The following NPAS3 variants were observed in gnomAD, a reference collection of about 807,000 sequenced individuals.
The protein encoded by NPAS3 is neuronal PAS domain protein 3.
In NPAS3, 14 loss-of-function variants were observed where a neutral mutation model predicts 73.1. The observed-to-expected ratio is 0.19, with a 90% confidence interval of 0.13 to 0.30. NPAS3 has a LOEUF of 0.30. Ranked by LOEUF, NPAS3 falls within the 10% of genes least tolerant of loss-of-function variation. NPAS3 has a pLI of 1.00. For missense variants in NPAS3, 1,096 were observed against 1,250.0 expected, an observed-to-expected ratio of 0.88 and a Z score of 1.86; for synonymous variants, 620 against 541.5, an observed-to-expected ratio of 1.14 and a Z score of -2.01.
chr14:33,349,472 A>G (rs1227713427), intron 3 of NPAS3, among the ~76,000 whole-genome samples: 2 of 152,188 alleles, frequency 1.3e-5, no homozygotes, highest in Non-Finnish European at 1.5e-5. Flanking sequence ...TCAAACAACC[A>G]TGATTGTTAT....
At chr14:33,730,587 T>G (rs896605773) in intron 6 of NPAS3, among the ~76,000 whole-genome samples, 2 of 152,296 alleles carry the variant, frequency 1.3e-5, no homozygotes, top group East Asian at 3.9e-4. Flanking sequence ...GAAAGTGACA[T>G]GTGGCTTTTG....
chr14:33,797,699 A>G (rs1304289595), intron 11 of NPAS3, 118 bp downstream of exon 11: 26 of 973,284 alleles, frequency 2.7e-5, no homozygotes, highest in Non-Finnish European at 3.9e-5. Context: ...TCAGAGAGAC[A>G]TATGTCACAT....
In NPAS3 at chr14:33,246,537, CAAAAAA is replaced by C. The variant is rs56270689; in HGVS notation, c.385+31126_385+31131del. Among the ~76,000 whole-genome samples, 323 of 103,208 alleles carry C rather than the reference CAAAAAA, an allele frequency of 3.1e-3. 2 individuals are homozygous for C. Among genetic ancestry groups the C allele is most frequent in the African/African-American group, 0.011 (308 of 27,490 alleles). The allele number at this position is 103,208 out of a possible 152,430, so 67.7% of individuals were successfully genotyped here. A position where few individuals can be genotyped will look rare whatever the true frequency, so the allele number is the denominator to read the frequency against. On this transcript the variant is annotated intron_variant, in intron 3 of 11. Coordinates refer to ENST00000356141, the Ensembl canonical transcript of NPAS3. ...CCTGGGCAACAGCGAGACTTCATCT[CAAAAAA>C]AAAAAAAAAAAAAAGAAGAACTAAG...
intron 4 of NPAS3, among the ~76,000 whole-genome samples, chr14:33,443,761 G>C (rs2049357101): frequency 6.6e-6 from 1 of 152,224 alleles, no homozygotes; most frequent in Admixed American, 6.5e-5. Context: ...CCATTTACAG[G>C]AAGTGGCAGG....
intron 7 of NPAS3, among the ~76,000 whole-genome samples, chr14:33,748,581 T>C (rs942251518): frequency 4.6e-5 from 7 of 152,178 alleles, no homozygotes. Context: ...ACAGAGTGCC[T>C]TAATAGGGGC....
chr14:32,992,525 C>G (rs1465567302), intron 1 of NPAS3, among the ~76,000 whole-genome samples: 2 of 152,096 alleles, frequency 1.3e-5, no homozygotes, highest in Non-Finnish European at 2.9e-5. Flanking sequence ...GCCTAGAAAC[C>G]ACACTTGTCC....
intron 3 of NPAS3, among the ~76,000 whole-genome samples, chr14:33,280,651 G>A (rs1333935176): frequency 2.0e-5 from 3 of 152,192 alleles, no homozygotes; most frequent in Non-Finnish European, 4.4e-5. Context: ...GAAGTACAAA[G>A]GGTGTTCCTA....
intron 5 of NPAS3, among the ~76,000 whole-genome samples, chr14:33,589,982 A>G (rs532513797): frequency 2.0e-5 from 3 of 152,206 alleles, no homozygotes; most frequent in Non-Finnish European, 4.4e-5. Context: ...TGAGAAGGCC[A>G]TAAAGGTGGC....
intron 4 of NPAS3, among the ~76,000 whole-genome samples, chr14:33,378,194 G>A (rs1376260355): frequency 1.3e-5 from 2 of 152,172 alleles, no homozygotes; most frequent in Non-Finnish European, 2.9e-5. Flanking sequence ...AAGGTGCCTA[G>A]TTTAGATGAG....
At chr14:33,602,596 C>T (rs2140004130) in intron 5 of NPAS3, among the ~76,000 whole-genome samples, 1 of 152,314 alleles carries the variant, frequency 6.6e-6, no homozygotes, top group Non-Finnish European at 1.5e-5. Flanking sequence ...TTGAAGCTGA[C>T]CTTGCTCTGC....
chr14:33,394,801 C>T (rs541423261), intron 4 of NPAS3, among the ~76,000 whole-genome samples: 11 of 152,260 alleles, frequency 7.2e-5, no homozygotes, highest in Non-Finnish European at 1.3e-4. Context: ...GTCAAGAGAT[C>T]GATCAGGTTG....
At chr14:33,475,122 C>A (rs1204426449) in intron 4 of NPAS3, among the ~76,000 whole-genome samples, 1 of 151,902 alleles carries the variant, frequency 6.6e-6, no homozygotes, top group African/African-American at 2.4e-5. Flanking sequence ...AACATAAAAT[C>A]AGTTCAGGAC....
At chr14:33,670,337 TCTA>T (rs961564832) in intron 5 of NPAS3, among the ~76,000 whole-genome samples, 3 of 152,198 alleles carry the variant, frequency 2.0e-5, no homozygotes, top group African/African-American at 7.2e-5. Flanking sequence ...TTCTTCTTGT[TCTA>T]CTAATTTATA....
Position 32,961,163 on chromosome 14 carries a change from C to T in NPAS3, c.50+21797C>T, listed in dbSNP as rs558942319. Among the ~76,000 whole-genome samples, 47 of 152,164 alleles carry T rather than the reference C, an allele frequency of 3.1e-4. 2 individuals carry two copies. The highest frequency in any genetic ancestry group is 1.1e-3 in the African/African-American group (46 of 41,522). On this transcript the variant is annotated intron_variant, in intron 1 of 11. Transcript: ENST00000356141. Reference sequence around the variant, plus strand: ...GTGTGGTGGCTCACGCCTGTAATCCCAGCACTTTGGGAGGCCGAGGTGGGC... The same window carrying T: ...GTGTGGTGGCTCACGCCTGTAATCCTAGCACTTTGGGAGGCCGAGGTGGGC...
At chr14:33,468,976 A>C (rs1259717238) in intron 4 of NPAS3, among the ~76,000 whole-genome samples, 1 of 152,226 alleles carries the variant, frequency 6.6e-6, no homozygotes, top group African/African-American at 2.4e-5. Flanking sequence ...AGGATTTGAT[A>C]ATCAAGCAAC....
At chr14:33,655,651 G>T (rs545871708) in intron 5 of NPAS3, among the ~76,000 whole-genome samples, 1 of 152,250 alleles carries the variant, frequency 6.6e-6, no homozygotes, top group African/African-American at 2.4e-5. Context: ...GACTCAGGAA[G>T]CCCAAAGAAT....
chr14:33,262,587 C>T (rs2049014514), intron 3 of NPAS3, among the ~76,000 whole-genome samples: 1 of 152,022 alleles, frequency 6.6e-6, no homozygotes, highest in Non-Finnish European at 1.5e-5. Flanking sequence ...CTCATTTTTC[C>T]ACAATTATTC....
intron 2 of NPAS3, among the ~76,000 whole-genome samples, chr14:33,175,924 A>G (rs1401489332): frequency 6.6e-6 from 1 of 152,200 alleles, no homozygotes; most frequent in African/African-American, 2.4e-5. Flanking sequence ...AACAACAACA[A>G]CAAAAAAAAT....
At chr14:32,951,461 C>T (rs981819050) in intron 1 of NPAS3, among the ~76,000 whole-genome samples, 5 of 151,884 alleles carry the variant, frequency 3.3e-5, no homozygotes, top group Non-Finnish European at 1.5e-5. Context: ...TGAAAGGAAA[C>T]ATCTTATTTC....
Sources: allele counts gnomAD v4.1 joint callset (sites outside exome capture counted in the v4.1 genomes callset), GRCh38; gene constraint gnomAD v4.1.1; transcripts MANE v1.5; gene names NCBI Gene and HGNC (gene_info 2026-07-23, HGNC 2026-07-21).